FGD5: variants seen among roughly 807,000 people sequenced by gnomAD.
The protein encoded by FGD5 is FYVE, RhoGEF and PH domain-containing protein 5.
In FGD5, 28 loss-of-function variants were observed where a neutral mutation model predicts 133.4. The ratio of observed to expected loss-of-function variants is 0.21; its 90% CI spans 0.16 to 0.29. The LOEUF (loss-of-function observed/expected upper bound fraction) is 0.29, where lower values mean the gene tolerates loss of function less well. FGD5 is among the 10% of genes least tolerant of loss of function. FGD5 has a pLI of 1.00. For synonymous variants in FGD5, 810 were observed against 776.5 expected, an observed-to-expected ratio of 1.04 and a Z score of -0.72; for missense variants, 1,858 against 1,895.2, an observed-to-expected ratio of 0.98 and a Z score of 0.36.
chr3:14,862,744 T>G (rs539294179), intron 1 of FGD5, among the ~76,000 whole-genome samples: 1 of 152,264 alleles, frequency 6.6e-6, no homozygotes, highest in South Asian at 2.1e-4. Flanking sequence ...AGGACTGGGT[T>G]TGCCTCTGTA....
chr3:14,834,624 G>C (rs1023231968), intron 1 of FGD5, among the ~76,000 whole-genome samples: 2 of 152,198 alleles, frequency 1.3e-5, no homozygotes, highest in African/African-American at 4.8e-5. Context: ...AGAGCTATCT[G>C]TCAGGTATAC....
In FGD5 at chr3:14,820,936, C is replaced by T; in HGVS notation, c.1865C>T (p.Ala622Val). The change falls in exon 1 of 20, where the codon GCC becomes GTC. Residue 622 changes from alanine (A) to valine (V), a missense_variant. Ala to Val is a moderately conservative substitution (Grantham distance 64). This residue lies in a region of FGD5 where 1,824 missense variants were observed against 1,848.9 expected (regional missense o/e 0.99). Transcript: ENST00000285046. ...MVDIPPPFDLACITKKPITKS... is the reference protein window; with the variant it reads ...MVDIPPPFDLVCITKKPITKS... ...GACATCCCACCTCCTTTCGACCTGG[C>T]CTGCATCACCAAGAAGCCCATCACA... 2 of 1,613,924 alleles carry T rather than the reference C, an allele frequency of 1.2e-6. No individual in the cohort carries two copies. Among genetic ancestry groups the T allele is most frequent in the East Asian group, 2.2e-5 (1 of 44,870 alleles).
chr3:14,819,176 C>T lies in FGD5; in HGVS notation c.105C>T (p.Ser35=). The T allele has an allele frequency of 6.4e-7, 1 of 1,551,534 alleles. No individual in the cohort carries two copies. Among genetic ancestry groups the T allele is most frequent in the Non-Finnish European group, 8.7e-7 (1 of 1,146,948 alleles). The change falls in exon 1 of 20, where the codon AGC becomes AGT. Residue 35 remains serine, a synonymous_variant. Transcript: ENST00000285046. The surrounding 1 kb of genome is among the most constrained non-coding windows in gnomAD (Gnocchi z 4.1). ...VYLNDSLNKC[S]NGRLPCVDRG... ...TGAATGACAGCTTGAACAAATGCAGCAACGGGCGGCTGCCCTGTGTAGACA... is the reference window on the plus strand; with the variant it reads ...TGAATGACAGCTTGAACAAATGCAGTAACGGGCGGCTGCCCTGTGTAGACA...
chr3:14,897,661 G>A lies in FGD5; in HGVS notation c.2901G>A (p.Leu967=), dbSNP rs1454705619. 1.2e-6 allele frequency: 2 copies of A among 1,602,890 alleles called. No individual in the cohort carries two copies. The highest frequency in any genetic ancestry group is 1.7e-6 in the Non-Finnish European group (2 of 1,174,806). Residue 967 remains leucine, a synonymous_variant, in exon 5 of 20, where the codon CTG becomes CTA. Transcript: ENST00000285046. ...TCCTGGAGGAGCTGGAGGAAAGGCT[G>A]TCAAATTGGTGAGCAGTCCCTGGAC... The part of the protein sequence containing the change: ...QGILEELEER[L]SNWESQQKVA...
chr3:14,922,690 A>G lies in FGD5; in HGVS notation c.3807+142A>G. On this transcript the variant is annotated intron_variant, in intron 15 of 19. Coordinates refer to ENST00000285046, the MANE Select transcript of FGD5 (RefSeq NM_152536.4). The surrounding 1 kb of genome is among the most constrained non-coding windows in gnomAD (Gnocchi z 4.1). Reference sequence around the variant, plus strand: ...GCATGTTCACACCAACCCGAGAGGAACAGATTGCTAATTCCCATTTTATAG... The same window carrying G: ...GCATGTTCACACCAACCCGAGAGGAGCAGATTGCTAATTCCCATTTTATAG... 8.5e-7 allele frequency: 1 copy of G among 1,178,640 alleles called. No homozygotes were observed. Among genetic ancestry groups the G allele is most frequent in the South Asian group, 1.5e-5 (1 of 65,910 alleles). The allele number at this position is 1,178,640 out of a possible 1,614,324, so 73.0% of individuals were successfully genotyped here.
At chr3:14,923,938 A>G (rs1368013937) in intron 16 of FGD5, 70 bp from the exon 17 acceptor site, 4 of 1,581,356 alleles carry the variant, frequency 2.5e-6, no homozygotes, top group South Asian at 1.1e-5. Context: ...TTTTACAGGA[A>G]TCAGTGTTCC....
At chr3:14,824,267 A>G (rs991282187) in intron 1 of FGD5, among the ~76,000 whole-genome samples, 5 of 152,342 alleles carry the variant, frequency 3.3e-5, no homozygotes, top group African/African-American at 1.2e-4. Flanking sequence ...TGAGACGCAT[A>G]TCGCCAAGAG....
chr3:14,874,981 T>C (rs926714216), intron 2 of FGD5, among the ~76,000 whole-genome samples: 2 of 152,082 alleles, frequency 1.3e-5, no homozygotes, highest in African/African-American at 2.4e-5. Flanking sequence ...CTCTTCCTGC[T>C]CCTGGTGACA....
In FGD5 at chr3:14,879,903, G is replaced by A. The variant is rs568968823; in HGVS notation, c.2659-669G>A. Among the ~76,000 whole-genome samples, 6 of 152,322 alleles carry A rather than the reference G, an allele frequency of 3.9e-5. No individual in the cohort carries two copies. In the East Asian group the frequency reaches 5.8e-4, roughly 15 times the overall value. On this transcript the variant is annotated intron_variant, in intron 2 of 19. Coordinates refer to ENST00000285046, the MANE Select transcript of FGD5 (RefSeq NM_152536.4). ...GCAAGAGAAAAGAGAGAATTCCTCAGTACAGGGAACCACAGGTTGCTCAAG... is the reference window on the plus strand; with the variant it reads ...GCAAGAGAAAAGAGAGAATTCCTCAATACAGGGAACCACAGGTTGCTCAAG...
chr3:14,917,386 G>A lies in FGD5; in HGVS notation c.3489+54G>A. 1 of 1,527,506 alleles carries A rather than the reference G, an allele frequency of 6.5e-7. No individual in the cohort carries two copies. Among genetic ancestry groups the A allele is most frequent in the Non-Finnish European group, 9.0e-7 (1 of 1,116,630 alleles). 94.6% of individuals were successfully genotyped at this position (1,527,506 alleles called of 1,614,324 possible). On this transcript the variant is annotated intron_variant, in intron 12 of 19. Transcript: ENST00000285046. This position sits in a 1 kb window ranked among gnomAD's most constrained non-coding sequence, Gnocchi z 4.1. Reference sequence around the variant, plus strand: ...GTTGGGGGACAGGGAGACCCCAGGGGAGAAGGGGACAGCATCCTGCTCCCA... The same window carrying A: ...GTTGGGGGACAGGGAGACCCCAGGGAAGAAGGGGACAGCATCCTGCTCCCA...
intron 1 of FGD5, among the ~76,000 whole-genome samples, chr3:14,844,217 A>AAAATAT (rs1559477363): frequency 2.5e-4 from 5 of 20,366 alleles, no homozygotes; most frequent in Non-Finnish European, 3.4e-4. Flanking sequence ...AAAAAAAAAA[A>AAAATAT]ATATATATAT....
intron 1 of FGD5, among the ~76,000 whole-genome samples, chr3:14,831,134 G>T (rs1281804010): frequency 6.6e-6 from 1 of 152,140 alleles, no homozygotes; most frequent in East Asian, 1.9e-4. Flanking sequence ...AAGGCCCTTT[G>T]TGCTGAGGCT....
At chr3:14,909,335 G>C (rs1265216287) in intron 10 of FGD5, among the ~76,000 whole-genome samples, 1 of 152,152 alleles carries the variant, frequency 6.6e-6, no homozygotes, top group Non-Finnish European at 1.5e-5. Context: ...AATAAAATAG[G>C]CACTACGAAC....
At chr3:14,918,308 A>G (rs1034020017) in intron 12 of FGD5, among the ~76,000 whole-genome samples, 1 of 152,230 alleles carries the variant, frequency 6.6e-6, no homozygotes, top group Non-Finnish European at 1.5e-5. Flanking sequence ...GATGGCCAGG[A>G]GAGCTGAGAG....
chr3:14,824,400 G>A (rs564761586), intron 1 of FGD5, among the ~76,000 whole-genome samples: 2 of 152,280 alleles, frequency 1.3e-5, no homozygotes, highest in East Asian at 1.9e-4. Flanking sequence ...GGGGTTGGAC[G>A]GGATGAGAGG....
chr3:14,867,857 T>C (rs145554539), intron 2 of FGD5, among the ~76,000 whole-genome samples: 2,322 of 152,222 alleles, frequency 0.015, 33 homozygotes, highest in Middle Eastern at 0.061. Context: ...CTCCACCACC[T>C]CAGAAGAGCA....
intron 1 of FGD5, among the ~76,000 whole-genome samples, chr3:14,838,108 A>G (rs143837201): frequency 2.0e-5 from 3 of 152,202 alleles, no homozygotes; most frequent in Non-Finnish European, 2.9e-5. Context: ...CATTCAGGTC[A>G]CTAGCTGACG....
rs1240571166 is a variant in FGD5, at chr3:14,907,717, T to A, written c.3336+6T>A. The A allele has an allele frequency of 6.2e-7, 1 of 1,612,764 alleles. No homozygotes were observed. Among genetic ancestry groups the A allele is most frequent in the Non-Finnish European group, 8.5e-7 (1 of 1,179,288 alleles). On this transcript the variant is annotated splice_donor_region_variant and intron_variant, in intron 10 of 19. Transcript: ENST00000285046. The stretch of plus-strand genomic sequence containing the variant: ...ATCTCCTCCAGCCAGGAAGGGTGAG[T>A]GCCGCCACCATGGGTAGGGGCAGAG...
chr3:14,904,224 C>T (rs1440975451), intron 9 of FGD5, among the ~76,000 whole-genome samples: 1 of 152,128 alleles, frequency 6.6e-6, no homozygotes, highest in South Asian at 2.1e-4. Flanking sequence ...TTTGTGCAGC[C>T]CATTCTTAGG....
Sources: gnomAD v4.1 joint callset for allele counts (sites outside exome capture counted in the v4.1 genomes callset) on GRCh38, gnomAD v4.1.1 for gene constraint, gnomAD v4.1.1 regional missense constraint, Gnocchi (gnomAD v3.1) non-coding constraint, MANE v1.5 for transcripts, NCBI Gene and HGNC (gene_info 2026-07-23, HGNC 2026-07-21) for gene names.